DNAH11: variants seen among roughly 807,000 people sequenced by gnomAD.
DNAH11 encodes the protein axonemal beta dynein heavy chain 11.
Under a neutral mutation model 526.0 loss-of-function variants are expected in DNAH11, and 442 were observed. The observed-to-expected ratio is 0.84, with a 90% CI of 0.78 to 0.91. DNAH11 has a LOEUF of 0.91. Ranked by LOEUF, DNAH11 falls within the 40% of genes least tolerant of loss-of-function variation. DNAH11 has a pLI of 0.00. For synonymous variants in DNAH11, 2,461 were observed against 1,935.9 expected, an observed-to-expected ratio of 1.27 and a Z score of -7.12; for missense variants, 6,989 against 5,448.7, an observed-to-expected ratio of 1.28 and a Z score of -8.90.
Position 21,697,012 on chromosome 7 carries a change from G to C in DNAH11, c.6042-1063G>C, listed in dbSNP as rs56751814. ...GTAATAACTGTGTGAAAAAATATGG[G>C]GTTAGTTTAGATAGAAGAGATATAG... On this transcript the variant is annotated intron_variant, in intron 35 of 81. Coordinates refer to ENST00000409508, the MANE Select transcript of DNAH11 (RefSeq NM_001277115.2). 8.5e-3 allele frequency among the ~76,000 whole-genome samples: 1,290 copies of C among 152,022 alleles called. 104 individuals are homozygous for C. In the East Asian group the frequency reaches 0.2, roughly 23 times the overall value.
At chr7:21,825,930 G>A (rs192358825) in intron 65 of DNAH11, among the ~76,000 whole-genome samples, 2 of 150,452 alleles carry the variant, frequency 1.3e-5, no homozygotes, top group Admixed American at 6.6e-5. Flanking sequence ...CTGCACTCCA[G>A]CCTGGGCGAA....
At chr7:21,877,874 C>CAAAAAAAAAAAAAAAAA in intron 74 of DNAH11, among the ~76,000 whole-genome samples, 1 of 66,608 alleles carries the variant, frequency 1.5e-5, no homozygotes, top group Non-Finnish European at 2.5e-5. Context: ...GACTCCATCT[C>CAAAAAAAAAAAAAAAAA]AAAAAAAAAA....
chr7:21,661,843 G>A (rs1782254189), intron 30 of DNAH11, among the ~76,000 whole-genome samples: 1 of 151,792 alleles, frequency 6.6e-6, no homozygotes, highest in Non-Finnish European at 1.5e-5. Context: ...TTTTGAGATG[G>A]AGTTTCGCTC....
Position 21,720,619 on chromosome 7 carries a change from A to T in DNAH11, c.7135-106A>T. Reference sequence around the variant, plus strand: ...CCCAATGTAGCAAATCACAGCTGGGAAAAACTATGTACTCTCTTAAGGATA... The same window carrying T: ...CCCAATGTAGCAAATCACAGCTGGGTAAAACTATGTACTCTCTTAAGGATA... On this transcript the variant is annotated intron_variant, in intron 43 of 81. Transcript: ENST00000409508. The T allele has an allele frequency of 2.3e-6, 3 of 1,276,958 alleles. No individual in the cohort carries two copies. The Admixed American group carries it at 9.1e-5, about 39-fold the overall frequency. The allele number at this position is 1,276,958 out of a possible 1,614,324, so 79.1% of individuals were successfully genotyped here. A position where few individuals can be genotyped will look rare whatever the true frequency, so the allele number is the denominator to read the frequency against.
rs368512197 is a variant in DNAH11 at position 21,571,923 on chromosome 7, T to C, written c.1543T>C (p.Cys515Arg). 1.4e-5 allele frequency: 22 copies of C among 1,610,702 alleles called. No homozygotes were observed. In the South Asian group the frequency reaches 2.2e-4, roughly 16 times the overall value. Residue 515 changes from cysteine to arginine, a missense_variant, in exon 8 of 82, where the codon TGT becomes CGT. Coordinates refer to ENST00000409508, the MANE Select transcript of DNAH11 (RefSeq NM_001277115.2). ...GATGAGTGAAGAACTTATGGAACTC[T>C]GTAAACTTTTTAAACAGAGCACTTA... ...HEMSEELMEL[C>R]KLFKQSTYDP...
intron 52 of DNAH11, among the ~76,000 whole-genome samples, chr7:21,749,318 G>A (rs1406896464): frequency 6.6e-6 from 1 of 152,174 alleles, no homozygotes. Context: ...ACCCGTTTTC[G>A]AAAAAATAGG....
At position 21,742,000 on chromosome 7, in the gene DNAH11, G is replaced by C; in HGVS notation, c.7988G>C (p.Ser2663Thr). Residue 2663 changes from serine to threonine, a missense_variant, in exon 49 of 82, where the codon AGC becomes ACC. Transcript: ENST00000409508. ...ALNTIYGQIF[S>T]FHFQQQAFAP... Reference sequence around the variant, plus strand: ...AACACCATCTATGGCCAAATCTTTAGCTTCCATTTCCAACAGCAAGCATTT... The same window carrying C: ...AACACCATCTATGGCCAAATCTTTACCTTCCATTTCCAACAGCAAGCATTT... The C allele has an allele frequency of 6.2e-7, 1 of 1,613,898 alleles. No individual in the cohort carries two copies. Among genetic ancestry groups the C allele is most frequent in the Non-Finnish European group, 8.5e-7 (1 of 1,179,862 alleles).
At chr7:21,831,146 A>G (rs2128008752) in intron 65 of DNAH11, among the ~76,000 whole-genome samples, 1 of 152,324 alleles carries the variant, frequency 6.6e-6, no homozygotes, top group East Asian at 1.9e-4. Flanking sequence ...TTAAGAAAGT[A>G]GCCACACTTC....
chr7:21,747,896 T>G (rs1321616885), intron 51 of DNAH11, among the ~76,000 whole-genome samples: 1 of 152,246 alleles, frequency 6.6e-6, no homozygotes, highest in Non-Finnish European at 1.5e-5. Flanking sequence ...TTTGATGTCC[T>G]CATACTTGGG....
Position 21,591,002 on chromosome 7 carries a change from A to T in DNAH11, c.2254A>T (p.Lys752Ter). The T allele has an allele frequency of 6.6e-7, 1 of 1,515,746 alleles. No individual in the cohort carries two copies. The highest frequency in any genetic ancestry group is 8.8e-7 in the Non-Finnish European group (1 of 1,141,970). The allele number at this position is 1,515,746 out of a possible 1,614,324, so 93.9% of individuals were successfully genotyped here. The change falls in exon 13 of 82, where the codon AAA becomes TAA. Residue 752 changes from lysine to a stop codon, truncating the protein, a stop_gained. Coordinates refer to ENST00000409508, the MANE Select transcript of DNAH11 (RefSeq NM_001277115.2). LOFTEE classifies it high-confidence loss of function. ...IPDSALAIFK[K>*]RNTILKYIGN... is the part of the protein sequence containing the mutation. Reference sequence around the variant, plus strand: ...AGATTCAGCTTTAGCCATCTTCAAGAAAAGGAACACTATTTTAAAGGTTTG... The same window carrying T: ...AGATTCAGCTTTAGCCATCTTCAAGTAAAGGAACACTATTTTAAAGGTTTG...
intron 6 of DNAH11, among the ~76,000 whole-genome samples, chr7:21,568,843 T>C (rs1450383273): frequency 6.6e-6 from 1 of 151,066 alleles, no homozygotes; most frequent in Non-Finnish European, 1.5e-5. Flanking sequence ...CTATAAAGAA[T>C]ACATAGAGAT....
chr7:21,850,181 C>A (rs566589568), intron 66 of DNAH11, among the ~76,000 whole-genome samples: 1 of 146,134 alleles, frequency 6.8e-6, no homozygotes, highest in South Asian at 2.1e-4. Context: ...ACGGTGAAAC[C>A]CCATCTCTAC....
intron 45 of DNAH11, among the ~76,000 whole-genome samples, chr7:21,730,868 G>C (rs1366861637): frequency 6.6e-6 from 1 of 152,180 alleles, no homozygotes; most frequent in Non-Finnish European, 1.5e-5. Flanking sequence ...ATGGGGCTGG[G>C]TGCAGTGGCT....
At chr7:21,877,894 AAAAAG>A (rs1173934682) in intron 74 of DNAH11, among the ~76,000 whole-genome samples, 1 of 150,732 alleles carries the variant, frequency 6.6e-6, no homozygotes, top group African/African-American at 2.4e-5. Flanking sequence ...AAAAAAAAAA[AAAAAG>A]AGCCTCTTGA....
chr7:21,598,429 C>G (rs780450961), intron 14 of DNAH11, among the ~76,000 whole-genome samples: 2 of 152,108 alleles, frequency 1.3e-5, no homozygotes, highest in Non-Finnish European at 2.9e-5. Context: ...CTATTTTGCC[C>G]CAACTGGCTT....
At chr7:21,804,001 A>C (rs570089896) in intron 62 of DNAH11, among the ~76,000 whole-genome samples, 1 of 152,342 alleles carries the variant, frequency 6.6e-6, no homozygotes, top group Admixed American at 6.5e-5. Context: ...TCCTATTCAG[A>C]TTCAGGGTTC....
At chr7:21,726,802 G>A (rs1212825309) in intron 45 of DNAH11, among the ~76,000 whole-genome samples, 9 of 124,496 alleles carry the variant, frequency 7.2e-5, no homozygotes, top group Admixed American at 2.5e-4. Flanking sequence ...CGGAGGTCGC[G>A]GTGAGCCGAG....
chr7:21,625,700 T>C (rs148317419), intron 25 of DNAH11, among the ~76,000 whole-genome samples: 164 of 152,274 alleles, frequency 1.1e-3, no homozygotes, highest in African/African-American at 3.7e-3. Context: ...GTTGTGTTTC[T>C]GTTTTCATTT....
At chr7:21,877,647 G>T (rs796987853) in intron 74 of DNAH11, among the ~76,000 whole-genome samples, 2 of 151,800 alleles carry the variant, frequency 1.3e-5, no homozygotes, top group Non-Finnish European at 2.9e-5. Flanking sequence ...AGGCCGAGGC[G>T]GGCGGATCAC....
Sources: allele counts gnomAD v4.1 joint callset (sites outside exome capture counted in the v4.1 genomes callset), GRCh38; gene constraint gnomAD v4.1.1; transcripts MANE v1.5; gene names NCBI Gene and HGNC (gene_info 2026-07-23, HGNC 2026-07-21).